The following TTBK1 variants were observed in gnomAD, a reference collection of about 807,000 sequenced individuals.
TTBK1 encodes the protein tau tubulin kinase 1, also known as tau-tubulin kinase 1.
Under a neutral mutation model 108.5 loss-of-function variants are expected in TTBK1, and 34 were observed. The ratio of observed to expected loss-of-function variants is 0.31; its 90% CI spans 0.24 to 0.42. The LOEUF is 0.42. Ranked by LOEUF, TTBK1 falls within the 10% of genes least tolerant of loss-of-function variation. The pLI, the probability that TTBK1 is intolerant of heterozygous loss-of-function variation, is 1.00. For synonymous variants in TTBK1, 809 were observed against 795.1 expected, an observed-to-expected ratio of 1.02 and a Z score of -0.29; for missense variants, 1,539 against 1,826.0, an observed-to-expected ratio of 0.84 and a Z score of 2.86.
chr6:43,271,927 T>C, intron 13 of TTBK1: 1 of 977,270 alleles, frequency 1.0e-6, no homozygotes, highest in East Asian at 1.3e-4. Context: ...CAAGCCTCTG[T>C]TGCCCTCTGG....
At position 43,263,486 on chromosome 6, in the gene TTBK1, G is replaced by C. The variant is rs1293798901; in HGVS notation, c.1986+136G>C. The C allele has an allele frequency of 9.1e-6, 8 of 882,104 alleles. No individual in the cohort carries two copies. Among genetic ancestry groups the C allele is most frequent in the African/African-American group, 1.7e-5 (1 of 57,808 alleles). The allele number at this position is 882,104 out of a possible 1,614,324, so 54.6% of individuals were successfully genotyped here. On this transcript the variant is annotated intron_variant, in intron 13 of 14. Coordinates refer to ENST00000259750, the MANE Select transcript of TTBK1 (RefSeq NM_032538.3). This position sits in a 1 kb window ranked among gnomAD's most constrained non-coding sequence, Gnocchi z 4.7. ...ACAGGGCTGTGATGGAGGTAGACAGGCTTAAGGGTCTGAAACCATGTTTGA... is the reference window on the plus strand; with the variant it reads ...ACAGGGCTGTGATGGAGGTAGACAGCCTTAAGGGTCTGAAACCATGTTTGA...
rs1777890516 is a variant in TTBK1, at chr6:43,273,666, G to A, written c.1987-9061G>A. On this transcript the variant is annotated intron_variant, in intron 13 of 14. Transcript: ENST00000259750. This position sits in a 1 kb window ranked among gnomAD's most constrained non-coding sequence, Gnocchi z 4.2. The stretch of plus-strand genomic sequence containing the variant: ...CAGTGTCAGGGAAGTGGCAGGTTCA[G>A]GGACTGTGGTAAACAGGGGAACTCC... Among the ~76,000 whole-genome samples, 1 of 152,196 alleles carries A rather than the reference G, an allele frequency of 6.6e-6. No homozygotes were observed. Among genetic ancestry groups the A allele is most frequent in the African/African-American group, 2.4e-5 (1 of 41,432 alleles).
chr6:43,249,072 G>A (rs992061986), intron 2 of TTBK1, among the ~76,000 whole-genome samples: 2 of 152,092 alleles, frequency 1.3e-5, no homozygotes, highest in African/African-American at 4.8e-5. Flanking sequence ...TGACTAGTAG[G>A]TGTCATGGGC....
rs772234963 is a variant in TTBK1 at position 43,263,159 on chromosome 6, A to G, written c.1795A>G (p.Ser599Gly). The change falls in exon 13 of 15, where the codon AGC becomes GGC. Residue 599 changes from serine to glycine, a missense_variant. Physicochemically the swap from Ser to Gly is moderately conservative, Grantham distance 56. Coordinates refer to ENST00000259750, the MANE Select transcript of TTBK1 (RefSeq NM_032538.3). The surrounding 1 kb of genome is among the most constrained non-coding windows in gnomAD (Gnocchi z 4.7). Reference sequence around the variant, plus strand: ...GCCCACCGTCCGGCCCCGGGGACGCAGCATGCAGGCGCTGGCGGAGGAGGA... The same window carrying G: ...GCCCACCGTCCGGCCCCGGGGACGCGGCATGCAGGCGCTGGCGGAGGAGGA... ...AEPTVRPRGRSMQALAEEDLQ... is the reference protein window; with the variant it reads ...AEPTVRPRGRGMQALAEEDLQ... The G allele has an allele frequency of 6.4e-7, 1 of 1,572,322 alleles. No homozygotes were observed.
intron 2 of TTBK1, among the ~76,000 whole-genome samples, chr6:43,251,977 C>T (rs1777253653): frequency 6.6e-6 from 1 of 152,120 alleles, no homozygotes; most frequent in African/African-American, 2.4e-5. Flanking sequence ...ATCAATCCGC[C>T]CTGAGACTGG....
chr6:43,278,465 T>C (rs1432733664), intron 13 of TTBK1, among the ~76,000 whole-genome samples: 14 of 152,150 alleles, frequency 9.2e-5, no homozygotes. Context: ...TAAGGAGCTT[T>C]AAAACAGCCA....
intron 14 of TTBK1, 93 bp from the exon 15 acceptor site, chr6:43,284,890 T>C: frequency 9.2e-6 from 13 of 1,406,462 alleles, no homozygotes; most frequent in Non-Finnish European, 1.1e-5. Flanking sequence ...GATGCCGGAC[T>C]CCAGTGCTCA....
chr6:43,249,926 G>T (rs1334071983), intron 2 of TTBK1, among the ~76,000 whole-genome samples: 2 of 151,980 alleles, frequency 1.3e-5, no homozygotes, highest in Admixed American at 1.3e-4. Context: ...ACCCCCTAAA[G>T]GTATCGGGGC....
rs1582513356 is a variant in TTBK1 at position 43,276,500 on chromosome 6, C to T, written c.1987-6227C>T. On this transcript the variant is annotated intron_variant, in intron 13 of 14. Coordinates refer to ENST00000259750, the MANE Select transcript of TTBK1 (RefSeq NM_032538.3). The surrounding 1 kb of genome is among the most constrained non-coding windows in gnomAD (Gnocchi z 5.4). ...CCGCCACGGGGGTGGGACACGGACA[C>T]GCACCCACGCGCACACGGCCGCGCA... 2.6e-5 allele frequency among the ~76,000 whole-genome samples: 4 copies of T among 152,182 alleles called. No homozygotes were observed. In the South Asian group the frequency reaches 8.3e-4, roughly 31 times the overall value.
Position 43,263,047 on chromosome 6 carries a change from C to T in TTBK1, c.1683C>T (p.Pro561=). The change falls in exon 13 of 15, where the codon CCC becomes CCT. Residue 561 remains proline (P), a synonymous_variant. Coordinates refer to ENST00000259750, the MANE Select transcript of TTBK1 (RefSeq NM_032538.3). The surrounding 1 kb of genome is among the most constrained non-coding windows in gnomAD (Gnocchi z 4.7). Reference sequence around the variant, plus strand: ...AGGACTTCCCTCCAGGGGCTGAGCCCAGCACATCGGGCACCACGGATGAGG... The same window carrying T: ...AGGACTTCCCTCCAGGGGCTGAGCCTAGCACATCGGGCACCACGGATGAGG... The part of the protein sequence containing the change: ...ELKDFPPGAE[P]STSGTTDEEP... The T allele has an allele frequency of 1.9e-6, 3 of 1,590,760 alleles. No homozygotes were observed. Among genetic ancestry groups the T allele is most frequent in the Non-Finnish European group, 2.6e-6 (3 of 1,169,048 alleles).
At chr6:43,272,362 ATGGCAC>A (rs1777857494) in intron 13 of TTBK1, 1 of 985,364 alleles carries the variant, frequency 1.0e-6, no homozygotes, top group African/African-American at 1.7e-5. Flanking sequence ...ATTGAAGATG[ATGGCAC>A]TGGCTTCAGC....
intron 2 of TTBK1, among the ~76,000 whole-genome samples, chr6:43,250,751 T>G (rs1777217073): frequency 6.6e-6 from 1 of 152,244 alleles, no homozygotes; most frequent in South Asian, 2.1e-4. Flanking sequence ...GGGAATCACA[T>G]GACCTTCCTC....
At chr6:43,250,828 C>T (rs1436643319) in intron 2 of TTBK1, among the ~76,000 whole-genome samples, 1 of 152,178 alleles carries the variant, frequency 6.6e-6, no homozygotes, top group African/African-American at 2.4e-5. Flanking sequence ...ATGCGGTTTT[C>T]CCCTCCCCTT....
rs892565157 is a variant in TTBK1 at position 43,253,860 on chromosome 6, A to C, written c.471+152A>C. ...CCAAGCCCCTCCTGCTCTCCTTCCC[A>C]GGCCCCATCTCTTCCTCTCCCGTGC... is the stretch of plus-strand genomic sequence containing the variant. On this transcript the variant is annotated intron_variant, in intron 5 of 14. Transcript: ENST00000259750. This position sits in a 1 kb window ranked among gnomAD's most constrained non-coding sequence, Gnocchi z 5.8. The C allele has an allele frequency of 1.9e-6, 2 of 1,066,594 alleles. No homozygotes were observed. The highest frequency in any genetic ancestry group is 3.2e-5 in the African/African-American group (2 of 62,234). The allele number at this position is 1,066,594 out of a possible 1,614,324, so 66.1% of individuals were successfully genotyped here.
chr6:43,276,485 G>C lies in TTBK1; in HGVS notation c.1987-6242G>C, dbSNP rs1194780087. Among the ~76,000 whole-genome samples the C allele has an allele frequency of 6.6e-6, 1 of 152,158 alleles. No individual in the cohort carries two copies. Among genetic ancestry groups the C allele is most frequent in the Non-Finnish European group, 1.5e-5 (1 of 68,016 alleles). ...CGCACACGCGCGGCGCCGCCACGGGGGTGGGACACGGACACGCACCCACGC... is the reference window on the plus strand; with the variant it reads ...CGCACACGCGCGGCGCCGCCACGGGCGTGGGACACGGACACGCACCCACGC... On this transcript the variant is annotated intron_variant, in intron 13 of 14. Coordinates refer to ENST00000259750, the MANE Select transcript of TTBK1 (RefSeq NM_032538.3). The surrounding 1 kb of genome is among the most constrained non-coding windows in gnomAD (Gnocchi z 5.4).
chr6:43,269,730 C>G lies in TTBK1; in HGVS notation c.1986+6380C>G, dbSNP rs1200699010. 1 of 1,609,364 alleles carries G rather than the reference C, an allele frequency of 6.2e-7. No individual in the cohort carries two copies. The highest frequency in any genetic ancestry group is 1.3e-5 in the African/African-American group (1 of 74,930). ...GTCCTCCGTGTTCTCCTCCTCCACGCTGGAGACGGAGCATTACCCTCACCC... is the reference window on the plus strand; with the variant it reads ...GTCCTCCGTGTTCTCCTCCTCCACGGTGGAGACGGAGCATTACCCTCACCC... On this transcript the variant is annotated intron_variant, in intron 13 of 14. Coordinates refer to ENST00000259750, the MANE Select transcript of TTBK1 (RefSeq NM_032538.3). This position sits in a 1 kb window ranked among gnomAD's most constrained non-coding sequence, Gnocchi z 4.8.
chr6:43,247,165 G>A (rs1395587368), intron 2 of TTBK1, among the ~76,000 whole-genome samples: 2 of 152,082 alleles, frequency 1.3e-5, no homozygotes, highest in East Asian at 3.9e-4. Context: ...TTCCGCAGAG[G>A]ACGGAAAGGC....
chr6:43,271,415 C>T (rs1489094220), intron 13 of TTBK1: 15 of 985,308 alleles, frequency 1.5e-5, no homozygotes, highest in Non-Finnish European at 2.4e-6. Context: ...GCAAGTTGCA[C>T]AGTGCTGTAT....
rs1336031262 is a variant in TTBK1 at position 43,246,361 on chromosome 6, A to G, written c.-54-246A>G. On this transcript the variant is annotated intron_variant, in intron 1 of 14. Coordinates refer to ENST00000259750, the MANE Select transcript of TTBK1 (RefSeq NM_032538.3). Reference sequence around the variant, plus strand: ...ATGTCTCTCTCCCCTCGGCCTGTTCACTGTCATTTTCCTCTTCTTCATTGG... The same window carrying G: ...ATGTCTCTCTCCCCTCGGCCTGTTCGCTGTCATTTTCCTCTTCTTCATTGG... 2.0e-5 allele frequency among the ~76,000 whole-genome samples: 3 copies of G among 152,060 alleles called. No individual in the cohort carries two copies. The East Asian group carries it at 5.8e-4, about 29-fold the overall frequency.
Sources: gnomAD v4.1 joint callset for allele counts (sites outside exome capture counted in the v4.1 genomes callset) on GRCh38, gnomAD v4.1.1 for gene constraint, Gnocchi (gnomAD v3.1) non-coding constraint, MANE v1.5 for transcripts, NCBI Gene and HGNC (gene_info 2026-07-23, HGNC 2026-07-21) for gene names.